Variants in INPP5A observed in about 807,000 individuals in gnomAD.
INPP5A encodes the protein inositol polyphosphate-5-phosphatase A.
INPP5A carries 14 observed loss-of-function variants against 65.2 expected under a neutral mutation model. The observed-to-expected ratio is 0.21, with a 90% CI of 0.14 to 0.34. The LOEUF (loss-of-function observed/expected upper bound fraction) is 0.34. Ranked by LOEUF, INPP5A falls within the 10% of genes least tolerant of loss-of-function variation. The pLI, the probability that INPP5A is intolerant of heterozygous loss-of-function variation, is 1.00. For synonymous variants in INPP5A, 207 were observed against 208.3 expected, an observed-to-expected ratio of 0.99 and a Z score of 0.05; for missense variants, 431 against 545.6, an observed-to-expected ratio of 0.79 and a Z score of 2.09.
At position 132,575,194 on chromosome 10, in the gene INPP5A, ACCGGC is replaced by A. The variant is rs1486980671; in HGVS notation, c.76-32719_76-32715del. Among the ~76,000 whole-genome samples, 38 of 152,180 alleles carry A rather than the reference ACCGGC, an allele frequency of 2.5e-4. No individual in the cohort carries two copies. The highest frequency in any genetic ancestry group is 4.4e-4 in the Non-Finnish European group (30 of 68,022). On this transcript the variant is annotated intron_variant, in intron 1 of 15. Transcript: ENST00000368594. The surrounding 1 kb of genome is among the most constrained non-coding windows in gnomAD (Gnocchi z 5.4). ...TCTTCCTCCGCAGGCTGGCGTTTGCACCGGCCTGGACACATCGCAACCCTGACCTG... is the reference window on the plus strand; with the variant it reads ...TCTTCCTCCGCAGGCTGGCGTTTGCACTGGACACATCGCAACCCTGACCTG...
chr10:132,748,243 A>G (rs1846407597), intron 9 of INPP5A, among the ~76,000 whole-genome samples: 1 of 151,522 alleles, frequency 6.6e-6, no homozygotes, highest in Non-Finnish European at 1.5e-5. Context: ...ATGTCTGGGT[A>G]TTTTGTGTAA....
chr10:132,733,055 C>T (rs890450591), intron 9 of INPP5A, among the ~76,000 whole-genome samples: 1 of 152,202 alleles, frequency 6.6e-6, no homozygotes, highest in Non-Finnish European at 1.5e-5. Flanking sequence ...GGGACCCCTC[C>T]TTGCCTCACC....
rs775995236 is a variant in INPP5A, at chr10:132,650,446, G to A, written c.247G>A (p.Glu83Lys). 2 of 1,613,730 alleles carry A rather than the reference G, an allele frequency of 1.2e-6. No homozygotes were observed. The highest frequency in any genetic ancestry group is 4.5e-5 in the East Asian group (2 of 44,890). Residue 83 changes from glutamate (E) to lysine (K), a missense_variant, in exon 4 of 16, where the codon GAA becomes AAA. Transcript: ENST00000368594. The surrounding 1 kb of genome is among the most constrained non-coding windows in gnomAD (Gnocchi z 5.5). The part of the protein sequence containing the change: ...KELLSSDAMK[E>K]YNRARVYLDE... Reference sequence around the variant, plus strand: ...ACTATTGTCGAGTGATGCGATGAAAGAATATAACAGGGCTCGAGTCTACCT... The same window carrying A: ...ACTATTGTCGAGTGATGCGATGAAAAAATATAACAGGGCTCGAGTCTACCT...
At position 132,708,401 on chromosome 10, in the gene INPP5A, G is replaced by A. The variant is rs772582733; in HGVS notation, c.527+36G>A. 71 of 1,594,370 alleles carry A rather than the reference G, an allele frequency of 4.5e-5. 1 individual carries two copies. In the South Asian group the frequency reaches 6.8e-4, roughly 15 times the overall value. ...TCTGTGCTTTGTCAATTTCCATAAC[G>A]TTTCTTACCCTTTTATATCTTGCAC... On this transcript the variant is annotated intron_variant, in intron 7 of 15. Coordinates refer to ENST00000368594, the MANE Select transcript of INPP5A (RefSeq NM_005539.5).
chr10:132,701,777 C>T (rs2134508362), intron 6 of INPP5A, among the ~76,000 whole-genome samples: 1 of 152,376 alleles, frequency 6.6e-6, no homozygotes, highest in South Asian at 2.1e-4. Flanking sequence ...CCCTGGCTGC[C>T]TGCTTGGGGC....
chr10:132,721,949 A>G (rs1845892781), intron 8 of INPP5A, among the ~76,000 whole-genome samples: 1 of 152,208 alleles, frequency 6.6e-6, no homozygotes, highest in African/African-American at 2.4e-5. Flanking sequence ...ATAGTCCAGC[A>G]GTTTCTAGGA....
chr10:132,770,559 G>A (rs1244588729), intron 12 of INPP5A, among the ~76,000 whole-genome samples: 6 of 150,234 alleles, frequency 4.0e-5, no homozygotes, highest in Admixed American at 1.3e-4. Context: ...AAATGGCCCC[G>A]CAGAGCCTCG....
rs760931237 is a variant in INPP5A, at chr10:132,545,804, C to T, written c.75+7633C>T. Among the ~76,000 whole-genome samples the T allele has an allele frequency of 3.9e-5, 6 of 152,202 alleles. No homozygotes were observed. The highest frequency in any genetic ancestry group is 1.2e-4 in the African/African-American group (5 of 41,458). ...GGTGCTGCCATGGGCTCAGATCTGG[C>T]GTTTTCCAAGCTCCCCCTGCTTTGT... is the stretch of plus-strand genomic sequence containing the variant. On this transcript the variant is annotated intron_variant, in intron 1 of 15. Transcript: ENST00000368594. The surrounding 1 kb of genome is among the most constrained non-coding windows in gnomAD (Gnocchi z 4.6).
At chr10:132,693,385 T>A (rs1845298992) in intron 5 of INPP5A, among the ~76,000 whole-genome samples, 1 of 151,920 alleles carries the variant, frequency 6.6e-6, no homozygotes, top group South Asian at 2.1e-4. Context: ...ACTGTCAGAG[T>A]GGATTAAAAA....
At chr10:132,564,482 G>A (rs761897202) in intron 1 of INPP5A, among the ~76,000 whole-genome samples, 3 of 151,786 alleles carry the variant, frequency 2.0e-5, no homozygotes, top group Non-Finnish European at 4.4e-5. Context: ...TGGGCTGTGC[G>A]GCCCCTCCTC....
In INPP5A at chr10:132,773,453, A is replaced by G. The variant is rs1846990800; in HGVS notation, c.978-4218A>G. Among the ~76,000 whole-genome samples the G allele has an allele frequency of 2.6e-5, 4 of 152,216 alleles. No homozygotes were observed. In the South Asian group the frequency reaches 6.2e-4, roughly 24 times the overall value. On this transcript the variant is annotated intron_variant, in intron 12 of 15. Transcript: ENST00000368594. ...GAGGTCGTCTCTCTTTAATGGACAC[A>G]TATATTTTTAAATTAGGGATTAGGA...
At position 132,544,802 on chromosome 10, in the gene INPP5A, T is replaced by C. The variant is rs531414562; in HGVS notation, c.75+6631T>C. On this transcript the variant is annotated intron_variant, in intron 1 of 15. Coordinates refer to ENST00000368594, the MANE Select transcript of INPP5A (RefSeq NM_005539.5). ...GCTGTGCTCTTTGGATTGTTACTGA[T>C]TCAGCCTTTGAGAACGGCCGGCGGT... Among the ~76,000 whole-genome samples the C allele has an allele frequency of 3.3e-5, 5 of 152,276 alleles. No individual in the cohort carries two copies. The South Asian group carries it at 1.0e-3, about 32-fold the overall frequency.
intron 1 of INPP5A, among the ~76,000 whole-genome samples, chr10:132,539,558 G>A (rs1024249451): frequency 6.7e-6 from 1 of 149,242 alleles, no homozygotes; most frequent in Non-Finnish European, 1.5e-5. Flanking sequence ...GAGGCAGGCC[G>A]GTCTGACCTA....
chr10:132,641,334 A>G (rs2072425167), intron 2 of INPP5A, among the ~76,000 whole-genome samples: 1 of 152,214 alleles, frequency 6.6e-6, no homozygotes, highest in African/African-American at 2.4e-5. Flanking sequence ...GTACTCATGG[A>G]TATAAACTTT....
chr10:132,625,541 C>T (rs999551386), intron 2 of INPP5A, among the ~76,000 whole-genome samples: 1 of 152,064 alleles, frequency 6.6e-6, no homozygotes, highest in African/African-American at 2.4e-5. Context: ...CTTTGGGAGC[C>T]CCTTGAGGCA....
chr10:132,661,155 A>G (rs993199512), intron 4 of INPP5A, among the ~76,000 whole-genome samples: 3 of 152,102 alleles, frequency 2.0e-5, no homozygotes, highest in African/African-American at 7.2e-5. Context: ...CCTCTTCGTG[A>G]TATGGTTTCA....
At chr10:132,720,721 G>T (rs1325497461) in intron 8 of INPP5A, among the ~76,000 whole-genome samples, 1 of 150,666 alleles carries the variant, frequency 6.6e-6, no homozygotes, top group Non-Finnish European at 1.5e-5. Context: ...TCAGGGTTCT[G>T]TGGTGCCTGA....
chr10:132,591,566 A>T (rs2071619764), intron 1 of INPP5A, among the ~76,000 whole-genome samples: 1 of 152,148 alleles, frequency 6.6e-6, no homozygotes, highest in Non-Finnish European at 1.5e-5. Context: ...GTCGTTTGTG[A>T]GGTTACCTTT....
In INPP5A at chr10:132,575,187, C is replaced by A. The variant is rs1459003910; in HGVS notation, c.76-32728C>A. On this transcript the variant is annotated intron_variant, in intron 1 of 15. Transcript: ENST00000368594. The surrounding 1 kb of genome is among the most constrained non-coding windows in gnomAD (Gnocchi z 5.4). ...GCTGCATTCTTCCTCCGCAGGCTGGCGTTTGCACCGGCCTGGACACATCGC... is the reference window on the plus strand; with the variant it reads ...GCTGCATTCTTCCTCCGCAGGCTGGAGTTTGCACCGGCCTGGACACATCGC... Among the ~76,000 whole-genome samples, 1 of 152,186 alleles carries A rather than the reference C, an allele frequency of 6.6e-6. No homozygotes were observed. The highest frequency in any genetic ancestry group is 1.5e-5 in the Non-Finnish European group (1 of 68,030).
Sources: gnomAD v4.1 joint callset for allele counts (sites outside exome capture counted in the v4.1 genomes callset) on GRCh38, gnomAD v4.1.1 for gene constraint, Gnocchi (gnomAD v3.1) non-coding constraint, MANE v1.5 for transcripts, NCBI Gene and HGNC (gene_info 2026-07-23, HGNC 2026-07-21) for gene names.